The following LAMA2 variants were observed in gnomAD, a reference collection of about 807,000 sequenced individuals.
The protein encoded by LAMA2 is laminin subunit alpha 2.
LAMA2 carries 269 observed loss-of-function variants against 364.8 expected under a neutral mutation model. The ratio of observed to expected loss-of-function variants is 0.74; its 90% CI spans 0.67 to 0.82. LAMA2 has a LOEUF of 0.82. Ranked by LOEUF, LAMA2 falls within the 40% of genes least tolerant of loss-of-function variation. The pLI, the probability that LAMA2 is intolerant of heterozygous loss-of-function variation, is 0.00. For synonymous variants in LAMA2, 1,379 were observed against 1,370.6 expected (o/e 1.01, Z -0.14); for missense variants, 3,807 against 3,873.2 (o/e 0.98, Z 0.45).
At chr6:129,226,148 G>A (rs529543683) in intron 12 of LAMA2, among the ~76,000 whole-genome samples, 8 of 152,204 alleles carry the variant, frequency 5.3e-5, no homozygotes, top group Admixed American at 2.0e-4. Flanking sequence ...CAGAGACTAG[G>A]TTTGCAACCC....
chr6:128,905,837 A>G (rs529354980), intron 1 of LAMA2, among the ~76,000 whole-genome samples: 19 of 142,790 alleles, frequency 1.3e-4, no homozygotes, highest in Non-Finnish European at 2.4e-4. Context: ...TCCTGTGTCC[A>G]TGTGATCTCA....
chr6:129,171,535 G>A (rs1339113670), intron 9 of LAMA2, among the ~76,000 whole-genome samples: 7 of 152,138 alleles, frequency 4.6e-5, no homozygotes, highest in Non-Finnish European at 7.3e-5. Context: ...AGTTTCTGCC[G>A]AGCGATCTGC....
chr6:129,403,371 A>G (rs975341109), intron 39 of LAMA2, among the ~76,000 whole-genome samples: 1 of 152,198 alleles, frequency 6.6e-6, no homozygotes, highest in Non-Finnish European at 1.5e-5. Flanking sequence ...TTGGGGACAT[A>G]TTGGTCATTT....
chr6:129,251,800 T>A (rs548213476), intron 13 of LAMA2, among the ~76,000 whole-genome samples: 8 of 152,122 alleles, frequency 5.3e-5, no homozygotes, highest in Non-Finnish European at 1.0e-4. Flanking sequence ...CCAGGCTTGG[T>A]GGCAGGCGCC....
intron 16 of LAMA2, among the ~76,000 whole-genome samples, chr6:129,267,699 T>A (rs1437692860): frequency 6.6e-6 from 1 of 152,126 alleles, no homozygotes; most frequent in Non-Finnish European, 1.5e-5. Flanking sequence ...ACTAAATGCA[T>A]AGTGTCATTT....
intron 1 of LAMA2, among the ~76,000 whole-genome samples, chr6:128,917,933 G>C (rs1389771200): frequency 1.3e-5 from 2 of 151,298 alleles, no homozygotes; most frequent in Admixed American, 1.3e-4. Flanking sequence ...ATGGTACTTT[G>C]CCATGTTGCT....
At chr6:129,487,996 G>T (rs934584520) in intron 56 of LAMA2, among the ~76,000 whole-genome samples, 5 of 152,128 alleles carry the variant, frequency 3.3e-5, no homozygotes, top group African/African-American at 1.2e-4. Context: ...CCTTTTCATT[G>T]CGGAAAGGAC....
At chr6:129,433,594 C>T (rs1024360316) in intron 41 of LAMA2, among the ~76,000 whole-genome samples, 36 of 151,998 alleles carry the variant, frequency 2.4e-4, no homozygotes, top group Non-Finnish European at 2.2e-4. Context: ...AATAAAAATT[C>T]CATTTGAGAA....
intron 46 of LAMA2, 26 bp from the exon 47 acceptor site, chr6:129,454,129 C>A (rs371223339): frequency 3.7e-6 from 6 of 1,606,446 alleles, no homozygotes; most frequent in African/African-American, 2.7e-5. Context: ...TCTGATATCT[C>A]TTGTTTTTGT....
intron 12 of LAMA2, among the ~76,000 whole-genome samples, chr6:129,200,182 A>ACGTG (rs1278208683): frequency 6.8e-6 from 1 of 147,898 alleles, no homozygotes; most frequent in African/African-American, 2.5e-5. Flanking sequence ...ACACATATAC[A>ACGTG]TGTGTATATA....
chr6:129,426,138 A>G (rs907593468), intron 40 of LAMA2, among the ~76,000 whole-genome samples: 1 of 152,074 alleles, frequency 6.6e-6, no homozygotes, highest in Non-Finnish European at 1.5e-5. Flanking sequence ...CTTTACCTCT[A>G]TACATTTTAT....
At chr6:129,020,276 G>A (rs1785364321) in intron 1 of LAMA2, among the ~76,000 whole-genome samples, 1 of 152,022 alleles carries the variant, frequency 6.6e-6, no homozygotes, top group Non-Finnish European at 1.5e-5. Flanking sequence ...AGGAGAGGTG[G>A]TTACAAGTAT....
intron 40 of LAMA2, among the ~76,000 whole-genome samples, chr6:129,419,839 G>C (rs1273818053): frequency 6.6e-6 from 1 of 152,038 alleles, no homozygotes; most frequent in East Asian, 1.9e-4. Flanking sequence ...AGAGATTTTT[G>C]ACCAAAGCCG....
chr6:129,023,990 C>A (rs960218704), intron 1 of LAMA2, among the ~76,000 whole-genome samples: 5 of 152,090 alleles, frequency 3.3e-5, no homozygotes, highest in African/African-American at 1.2e-4. Flanking sequence ...AGACTGAATG[C>A]TCCTAAGCTA....
At chr6:129,174,322 A>G (rs1044946342) in intron 9 of LAMA2, among the ~76,000 whole-genome samples, 1 of 151,750 alleles carries the variant, frequency 6.6e-6, no homozygotes, top group Non-Finnish European at 1.5e-5. Context: ...ACTCTTTTTT[A>G]CTCATCTACA....
chr6:129,377,934 C>T (rs1323574587), intron 34 of LAMA2, among the ~76,000 whole-genome samples: 1 of 150,754 alleles, frequency 6.6e-6, no homozygotes, highest in Non-Finnish European at 1.5e-5. Flanking sequence ...GACATAAATA[C>T]TCTAAAAAAC....
chr6:129,412,841 C>T (rs775106996), intron 40 of LAMA2, among the ~76,000 whole-genome samples: 8 of 152,174 alleles, frequency 5.3e-5, no homozygotes, highest in African/African-American at 9.7e-5. Flanking sequence ...GCCTGGACCA[C>T]GTCTGGTCTG....
intron 1 of LAMA2, among the ~76,000 whole-genome samples, chr6:128,898,051 T>A (rs1031591188): frequency 4.6e-5 from 7 of 152,212 alleles, no homozygotes; most frequent in African/African-American, 1.7e-4. Flanking sequence ...AAAATAGTAG[T>A]GCCTTTTTAA....
intron 12 of LAMA2, among the ~76,000 whole-genome samples, chr6:129,213,256 C>G (rs1783211345): frequency 1.3e-5 from 2 of 152,176 alleles, no homozygotes; most frequent in East Asian, 3.8e-4. Flanking sequence ...GATATAACCA[C>G]AGTTGAATTA....
Sources: allele counts gnomAD v4.1 joint callset (sites outside exome capture counted in the v4.1 genomes callset), GRCh38; gene constraint gnomAD v4.1.1; transcripts MANE v1.5; gene names NCBI Gene and HGNC (gene_info 2026-07-23, HGNC 2026-07-21).